RGS16: variants seen among roughly 807,000 people sequenced by gnomAD.
RGS16 encodes the protein hRGS-r.
A neutral mutation model predicts 18.1 loss-of-function variants in RGS16; 12 were observed. That is an observed-to-expected ratio of 0.66 (90% CI 0.42 to 1.07). The LOEUF is 1.07. Among genes scored for constraint, RGS16 ranks in the 50% least tolerant of loss-of-function variants. The pLI is 0.00. For synonymous variants in RGS16, 88 were observed against 102.0 expected (o/e 0.86, Z 0.83); for missense variants, 238 against 249.2 (o/e 0.95, Z 0.30).
rs1252184690 is a variant in RGS16, at chr1:182,600,039, C to T, written c.*253G>A. The T allele has an allele frequency of 1.8e-6, 1 of 540,562 alleles. No homozygotes were observed. Among genetic ancestry groups the T allele is most frequent in the African/African-American group, 1.9e-5 (1 of 52,628 alleles). 33.5% of individuals were successfully genotyped at this position (540,562 alleles called of 1,614,324 possible). On this transcript the variant is annotated 3_prime_UTR_variant, in exon 5 of 5. Transcript: ENST00000367558. Reference sequence around the variant, plus strand: ...CTTTTTGCCCCACAGAGAGCCCCACCAACCCTCATCATTAGCCCTTATTCA... The same window carrying T: ...CTTTTTGCCCCACAGAGAGCCCCACTAACCCTCATCATTAGCCCTTATTCA...
In RGS16 at chr1:182,602,112, C is replaced by T. The variant is rs770790623; in HGVS notation, c.241G>A (p.Ala81Thr). Residue 81 changes from alanine to threonine, a missense_variant, in exon 4 of 5, where the codon GCT becomes ACT. Physicochemically the swap from Ala to Thr is moderately conservative, Grantham distance 58. Transcript: ENST00000367558. ...TCACTGAACTCTGTCTTCAGGAAAG[C>T]GTGGAAGGCAGCCACTCCATCTGGG... ...SSKNGVAAFH[A>T]FLKTEFSEEN... 8.2e-5 allele frequency: 132 copies of T among 1,613,940 alleles called. No individual in the cohort carries two copies. Among genetic ancestry groups the T allele is most frequent in the Middle Eastern group, 1.6e-4 (1 of 6,084 alleles).
At chr1:182,602,158 A>G (rs1661877173) in intron 3 of RGS16, 26 bp from the exon 4 acceptor site, 1 of 1,612,364 alleles carries the variant, frequency 6.2e-7, no homozygotes, top group African/African-American at 1.3e-5. Context: ...AGAAGAGGAA[A>G]TAGGTCAGCT....
At position 182,604,343 on chromosome 1, in the gene RGS16, G is replaced by C; in HGVS notation, c.-84C>G. Reference sequence around the variant, plus strand: ...CGCGTGCGCCAGGAAGCAAAGGCGCGGTAGCAGGTGCTAGTCAACTGCGGT... The same window carrying C: ...CGCGTGCGCCAGGAAGCAAAGGCGCCGTAGCAGGTGCTAGTCAACTGCGGT... On this transcript the variant is annotated 5_prime_UTR_variant, in exon 1 of 5. Transcript: ENST00000367558. 2.2e-6 allele frequency: 3 copies of C among 1,381,986 alleles called. No homozygotes were observed. In the South Asian group the frequency reaches 4.1e-5, roughly 19 times the overall value. 85.6% of individuals were successfully genotyped at this position (1,381,986 alleles called of 1,614,324 possible).
Position 182,603,213 on chromosome 1 carries a change from G to A in RGS16, c.155+16C>T, listed in dbSNP as rs1041636072. On this transcript the variant is annotated intron_variant, in intron 2 of 4. Transcript: ENST00000367558. ...CCCTTCCCTCTCGGAGCCCTGAGCT[G>A]GTCAGCAACACTTACTTCTCTTTGC... 3.2e-6 allele frequency: 5 copies of A among 1,573,738 alleles called. No homozygotes were observed. Among genetic ancestry groups the A allele is most frequent in the Non-Finnish European group, 4.4e-6 (5 of 1,143,130 alleles).
chr1:182,602,383 T>C (rs1378008556), intron 3 of RGS16, 37 bp downstream of exon 3: 1 of 1,591,760 alleles, frequency 6.3e-7, no homozygotes, highest in Non-Finnish European at 8.6e-7. Flanking sequence ...AGTACACATG[T>C]GCCACCCAGA....
At position 182,600,527 on chromosome 1, in the gene RGS16, G is replaced by A. The variant is rs1661846215; in HGVS notation, c.388-14C>T. ...GTCAATGTTGACCTGCGGGAAGGAG[G>A]ACACACACAGGGTGAGTTGGGGAAG... is the stretch of plus-strand genomic sequence containing the variant. On this transcript the variant is annotated splice_polypyrimidine_tract_variant and intron_variant, in intron 4 of 4. Transcript: ENST00000367558. 6.2e-7 allele frequency: 1 copy of A among 1,610,506 alleles called. No individual in the cohort carries two copies. Among genetic ancestry groups the A allele is most frequent in the African/African-American group, 1.3e-5 (1 of 74,836 alleles).
Position 182,600,278 on chromosome 1 carries a change from A to G in RGS16, c.*14T>C. ...ACCTCTCTTCCCGGCTGGCTTCCTC[A>G]CTGCCGTGGAGACTCAGGTGTGTGA... On this transcript the variant is annotated 3_prime_UTR_variant, in exon 5 of 5. Transcript: ENST00000367558. 1 of 1,603,740 alleles carries G rather than the reference A, an allele frequency of 6.2e-7. No homozygotes were observed. The highest frequency in any genetic ancestry group is 8.5e-7 in the Non-Finnish European group (1 of 1,178,028).
chr1:182,600,156 ATTTTTTTTTTT>A lies in RGS16; in HGVS notation c.*125_*135del, dbSNP rs970909010. The A allele has an allele frequency of 5.5e-5, 18 of 330,012 alleles. No individual in the cohort carries two copies. Among genetic ancestry groups the A allele is most frequent in the East Asian group, 4.0e-4 (6 of 14,964 alleles). 20.4% of individuals were successfully genotyped at this position (330,012 alleles called of 1,614,324 possible). On this transcript the variant is annotated 3_prime_UTR_variant, in exon 5 of 5. Transcript: ENST00000367558. ...CTTCCCAAACAGGCTGCTGGAGCGCATTTTTTTTTTTTTTTTTTTTTTTTTTGTCCTCTTGC... is the reference window on the plus strand; with the variant it reads ...CTTCCCAAACAGGCTGCTGGAGCGCATTTTTTTTTTTTTTTGTCCTCTTGC...
At position 182,600,481 on chromosome 1, in the gene RGS16, C is replaced by T. The variant is rs775426824; in HGVS notation, c.420G>A (p.Thr140=). 7.4e-6 allele frequency: 12 copies of T among 1,613,902 alleles called. No individual in the cohort carries two copies. In the East Asian group the frequency reaches 8.9e-5, roughly 12 times the overall value. The stretch of plus-strand genomic sequence containing the variant: ...CTGTGGCAGTCTGCAGGTTCATCCT[C>T]GTCAGCTCGTGGGTCTCATGGTCAA... ...VNIDHETHEL[T]RMNLQTATAT... Residue 140 remains threonine (T), a synonymous_variant, in exon 5 of 5, where the codon ACG becomes ACA. Transcript: ENST00000367558.
At position 182,600,163 on chromosome 1, in the gene RGS16, T is replaced by G; in HGVS notation, c.*129A>C. The G allele has an allele frequency of 2.0e-6, 1 of 498,350 alleles. No individual in the cohort carries two copies. The highest frequency in any genetic ancestry group is 3.4e-6 in the Non-Finnish European group (1 of 293,584). The allele number at this position is 498,350 out of a possible 1,614,324, so 30.9% of individuals were successfully genotyped here. ...AACAGGCTGCTGGAGCGCATTTTTT[T>G]TTTTTTTTTTTTTTTTTTTGTCCTC... On this transcript the variant is annotated 3_prime_UTR_variant, in exon 5 of 5. Transcript: ENST00000367558.
Position 182,600,438 on chromosome 1 carries a change from C to A in RGS16, c.463G>T (p.Ala155Ser), listed in dbSNP as rs1415131716. 4 of 1,614,048 alleles carry A rather than the reference C, an allele frequency of 2.5e-6. No individual in the cohort carries two copies. In the South Asian group the frequency reaches 4.4e-5, roughly 18 times the overall value. ...QTATATCFDA[A>S]QGKTRTLMEK... ...ATCAGGGTACGTGTCTTCCCCTGAG[C>A]CGCATCAAAGCATGTGGCTGTGGCA... Residue 155 changes from alanine (A) to serine (S), a missense_variant, in exon 5 of 5, where the codon GCT (alanine) becomes TCT (serine). Transcript: ENST00000367558.
chr1:182,604,353 G>T lies in RGS16; in HGVS notation c.-94C>A. ...AGGAAGCAAAGGCGCGGTAGCAGGT[G>T]CTAGTCAACTGCGGTTGGGTTTAGC... On this transcript the variant is annotated 5_prime_UTR_variant, in exon 1 of 5. Transcript: ENST00000367558. 2 of 1,298,442 alleles carry T rather than the reference G, an allele frequency of 1.5e-6. No homozygotes were observed. The highest frequency in any genetic ancestry group is 1.0e-6 in the Non-Finnish European group (1 of 953,050). 80.4% of individuals were successfully genotyped at this position (1,298,442 alleles called of 1,614,324 possible). A position where few individuals can be genotyped will look rare whatever the true frequency, so the allele number is the denominator to read the frequency against.
At chr1:182,602,803 C>T (rs1661887595) in intron 2 of RGS16, among the ~76,000 whole-genome samples, 1 of 152,202 alleles carries the variant, frequency 6.6e-6, no homozygotes, top group South Asian at 2.1e-4. Context: ...TACACCTTCC[C>T]AAGGAAATAA....
At position 182,604,353 on chromosome 1, in the gene RGS16, G is replaced by A. The variant is rs930124285; in HGVS notation, c.-94C>T. The A allele has an allele frequency of 1.2e-5, 16 of 1,298,328 alleles. No homozygotes were observed. The highest frequency in any genetic ancestry group is 3.0e-5 in the African/African-American group (2 of 67,028). The allele number at this position is 1,298,328 out of a possible 1,614,324, so 80.4% of individuals were successfully genotyped here. Reference sequence around the variant, plus strand: ...AGGAAGCAAAGGCGCGGTAGCAGGTGCTAGTCAACTGCGGTTGGGTTTAGC... The same window carrying A: ...AGGAAGCAAAGGCGCGGTAGCAGGTACTAGTCAACTGCGGTTGGGTTTAGC... On this transcript the variant is annotated 5_prime_UTR_variant, in exon 1 of 5. Transcript: ENST00000367558.
chr1:182,600,696 C>T (rs1661850040), intron 4 of RGS16, among the ~76,000 whole-genome samples, 183 bp from the exon 5 acceptor site: 1 of 152,164 alleles, frequency 6.6e-6, no homozygotes, highest in African/African-American at 2.4e-5. Flanking sequence ...CAGTGTCTGT[C>T]CTCCAATCTC....
chr1:182,604,158 C>G, intron 1 of RGS16, 58 bp downstream of exon 1: 1 of 1,539,866 alleles, frequency 6.5e-7, no homozygotes, highest in South Asian at 1.2e-5. Context: ...AGGCCTGCCG[C>G]TCCACTCCCT....
At chr1:182,602,186 T>C (rs1443646398) in intron 3 of RGS16, 54 bp from the exon 4 acceptor site, 17 of 1,582,560 alleles carry the variant, frequency 1.1e-5, no homozygotes, top group Non-Finnish European at 1.5e-5. Flanking sequence ...CAGCAGGGAA[T>C]ACAAGAAGAA....
rs192551362 is a variant in RGS16 at position 182,603,232 on chromosome 1, T to C, written c.152A>G (p.Glu51Gly). The C allele has an allele frequency of 3.1e-6, 5 of 1,609,332 alleles. No individual in the cohort carries two copies. In the African/African-American group the frequency reaches 4.0e-5, roughly 13 times the overall value. ...TGAGCTGGTCAGCAACACTTACTTC[T>C]CTTTGCTGTGTTTACTGCCCCACTC... ...KFEWGSKHSKENRNFSEDVLG... is the reference protein window; with the variant it reads ...KFEWGSKHSKGNRNFSEDVLG... Residue 51 changes from glutamate (E) to glycine (G), a missense_variant, in exon 2 of 5, where the codon GAG (glutamate) becomes GGG (glycine). Coordinates refer to ENST00000367558, the MANE Select transcript of RGS16 (RefSeq NM_002928.4).
rs1661832585 is a variant in RGS16 at position 182,600,050 on chromosome 1, A to G, written c.*242T>C. On this transcript the variant is annotated 3_prime_UTR_variant, in exon 5 of 5. Transcript: ENST00000367558. ...ACAGAGAGCCCCACCAACCCTCATCATTAGCCCTTATTCACAGGTCCTGGA... is the reference window on the plus strand; with the variant it reads ...ACAGAGAGCCCCACCAACCCTCATCGTTAGCCCTTATTCACAGGTCCTGGA... The G allele has an allele frequency of 1.8e-6, 1 of 557,540 alleles. No homozygotes were observed. The highest frequency in any genetic ancestry group is 3.1e-5 in the East Asian group (1 of 32,132). The allele number at this position is 557,540 out of a possible 1,614,324, so 34.5% of individuals were successfully genotyped here. A position where few individuals can be genotyped will look rare whatever the true frequency, so the allele number is the denominator to read the frequency against.
Sources: allele counts gnomAD v4.1 joint callset (sites outside exome capture counted in the v4.1 genomes callset), GRCh38; gene constraint gnomAD v4.1.1; transcripts MANE v1.5; gene names NCBI Gene and HGNC (gene_info 2026-07-23, HGNC 2026-07-21).